The following MUC5AC variants were observed in gnomAD, a reference collection of about 807,000 sequenced individuals.
MUC5AC encodes the protein mucin 5AC, oligomeric mucus/gel-forming.
In MUC5AC, 158 loss-of-function variants were observed where a neutral mutation model predicts 169.7. The ratio of observed to expected loss-of-function variants is 0.93; its 90% CI spans 0.82 to 1.06. The LOEUF is 1.06. Ranked by LOEUF, MUC5AC falls within the 50% of genes least tolerant of loss-of-function variation. The probability of loss-of-function intolerance (pLI) is 0.00; values close to 1 mark genes in which losing one functional copy is unlikely to be tolerated. For missense variants in MUC5AC, 4,359 were observed against 3,089.9 expected (o/e 1.41, Z -9.74); for synonymous variants, 1,975 against 1,237.0 (o/e 1.60, Z -12.52).
rs1301845553 is a variant in MUC5AC, at chr11:1,161,399, A to G, written c.152-128A>G. The G allele has an allele frequency of 4.6e-6, 3 of 655,302 alleles. No homozygotes were observed. In the African/African-American group the frequency reaches 5.6e-5, roughly 12 times the overall value. 40.6% of individuals were successfully genotyped at this position (655,302 alleles called of 1,614,324 possible). A position where few individuals can be genotyped will look rare whatever the true frequency, so the allele number is the denominator to read the frequency against. ...GTGGGTGGGAGGGGGCCCAACACGC[A>G]GCAGAATCCGGAGTTGGCTTCGGAG... On this transcript the variant is annotated intron_variant, in intron 2 of 48. Transcript: ENST00000621226.
At position 1,187,423 on chromosome 11, in the gene MUC5AC, T is replaced by A; in HGVS notation, c.9278T>A (p.Ile3093Asn). The change falls in exon 31 of 49, where the codon ATC becomes AAC. Residue 3093 changes from isoleucine (I) to asparagine (N), a missense_variant. Coordinates refer to ENST00000621226, the MANE Select transcript of MUC5AC (RefSeq NM_001304359.2). ...STTSAATTST[I>N]SAPTTSTTSA... Reference sequence around the variant, plus strand: ...ACCTCTGCCGCTACAACCAGCACAATCTCGGCCCCAACAACCAGCACAACG... The same window carrying A: ...ACCTCTGCCGCTACAACCAGCACAAACTCGGCCCCAACAACCAGCACAACG... 3 of 638,394 alleles carry A rather than the reference T, an allele frequency of 4.7e-6. No individual in the cohort carries two copies. Among genetic ancestry groups the A allele is most frequent in the Non-Finnish European group, 5.6e-6 (2 of 358,326 alleles). 39.5% of individuals were successfully genotyped at this position (638,394 alleles called of 1,614,324 possible). A position where few individuals can be genotyped will look rare whatever the true frequency, so the allele number is the denominator to read the frequency against.
At chr11:1,163,307 C>A (rs1401483894) in intron 6 of MUC5AC, among the ~76,000 whole-genome samples, 2 of 152,238 alleles carry the variant, frequency 1.3e-5, no homozygotes, top group Admixed American at 6.5e-5. Context: ...TGACTGCACG[C>A]CCTCTCCTGA....
chr11:1,192,773 C>T lies in MUC5AC; in HGVS notation c.14381-10C>T, dbSNP rs983537537. 1.3e-6 allele frequency: 1 copy of T among 750,750 alleles called. No individual in the cohort carries two copies. The highest frequency in any genetic ancestry group is 1.7e-5 in the African/African-American group (1 of 58,822). The allele number at this position is 750,750 out of a possible 1,614,324, so 46.5% of individuals were successfully genotyped here. ...TCCACTAAAGGCTGCCATGTCCCTT[C>T]CTCTTACAGGATCCACCATATACCG... On this transcript the variant is annotated splice_polypyrimidine_tract_variant and intron_variant, in intron 31 of 48. Coordinates refer to ENST00000621226, the MANE Select transcript of MUC5AC (RefSeq NM_001304359.2).
Position 1,187,165 on chromosome 11 carries a change from C to T in MUC5AC, c.9020C>T (p.Ala3007Val), listed in dbSNP as rs1860972503. Reference sequence around the variant, plus strand: ...GCCCCTACAACCAGCACAATCTCGGCCCCAACAACCAGCACACCCTCTGCC... The same window carrying T: ...GCCCCTACAACCAGCACAATCTCGGTCCCAACAACCAGCACACCCTCTGCC... ...TSAPTTSTIS[A>V]PTTSTPSAPT... The change falls in exon 31 of 49, where the codon GCC (alanine) becomes GTC (valine). Residue 3007 changes from alanine (A) to valine (V), a missense_variant. By Grantham distance (64) the Ala-to-Val change is moderately conservative. Transcript: ENST00000621226. 7.1e-6 allele frequency: 5 copies of T among 705,490 alleles called. No homozygotes were observed. Among genetic ancestry groups the T allele is most frequent in the Non-Finnish European group, 1.0e-5 (4 of 388,194 alleles). The allele number at this position is 705,490 out of a possible 1,614,324, so 43.7% of individuals were successfully genotyped here.
At chr11:1,200,347 G>T in intron 48 of MUC5AC, 91 bp from the exon 49 acceptor site, 1 of 611,066 alleles carries the variant, frequency 1.6e-6, no homozygotes, top group South Asian at 1.9e-5. Flanking sequence ...CAGGGAACAC[G>T]ATGAGGCCGC....
At chr11:1,168,426 G>C in intron 12 of MUC5AC, 57 bp from the exon 13 acceptor site, 1 of 1,541,780 alleles carries the variant, frequency 6.5e-7, no homozygotes, top group Admixed American at 1.8e-5. Flanking sequence ...CAGCCTCCGC[G>C]GGGCTGAGGT....
Position 1,185,822 on chromosome 11 carries a change from C to A in MUC5AC, c.7677C>A (p.Ala2559=). Residue 2559 remains alanine (A), a synonymous_variant, in exon 31 of 49, where the codon GCC becomes GCA. Transcript: ENST00000621226. ...TSAPISSTTS[A]TTTSTTSGPG... is the part of the protein sequence containing the mutation. ...CCCCTATAAGCAGCACAACCTCTGC[C>A]ACTACAACCAGCACAACCTCTGGTC... 1.3e-6 allele frequency: 1 copy of A among 742,784 alleles called. No homozygotes were observed. The highest frequency in any genetic ancestry group is 2.4e-6 in the Non-Finnish European group (1 of 408,218). 46.0% of individuals were successfully genotyped at this position (742,784 alleles called of 1,614,324 possible). A position where few individuals can be genotyped will look rare whatever the true frequency, so the allele number is the denominator to read the frequency against.
intron 11 of MUC5AC, 85 bp downstream of exon 11, chr11:1,165,845 T>C (rs1860308738): frequency 6.4e-7 from 1 of 1,570,506 alleles, no homozygotes; most frequent in African/African-American, 1.3e-5. Flanking sequence ...TGGCTGCATG[T>C]CACTGCTGCC....
In MUC5AC at chr11:1,192,403, C is replaced by A. The variant is rs777452336; in HGVS notation, c.14258C>A (p.Thr4753Asn). ...AATGCTCTGTATCCTTCCCTGTCTA[C>A]TTCCATGGTATCCGCCTCCGTGGCA... ...PTNALYPSLS[T>N]SMVSASVAST... Residue 4753 changes from threonine to asparagine, a missense_variant, in exon 31 of 49, where the codon ACT becomes AAT. Transcript: ENST00000621226. The A allele has an allele frequency of 1.3e-6, 1 of 765,064 alleles. No individual in the cohort carries two copies. The highest frequency in any genetic ancestry group is 2.4e-5 in the East Asian group (1 of 41,268). 47.4% of individuals were successfully genotyped at this position (765,064 alleles called of 1,614,324 possible). A position where few individuals can be genotyped will look rare whatever the true frequency, so the allele number is the denominator to read the frequency against.
At chr11:1,199,547 G>C in intron 46 of MUC5AC, 57 bp downstream of exon 46, 1 of 699,122 alleles carries the variant, frequency 1.4e-6, no homozygotes, top group South Asian at 1.5e-5. Flanking sequence ...GATGGGTTTG[G>C]GGGGCTGTGA....
At position 1,194,953 on chromosome 11, in the gene MUC5AC, G is replaced by A. The variant is rs1861223485; in HGVS notation, c.15191-59G>A. 4 of 661,124 alleles carry A rather than the reference G, an allele frequency of 6.1e-6. No individual in the cohort carries two copies. In the South Asian group the frequency reaches 6.6e-5, roughly 11 times the overall value. 41.0% of individuals were successfully genotyped at this position (661,124 alleles called of 1,614,324 possible). On this transcript the variant is annotated intron_variant, in intron 35 of 48. Coordinates refer to ENST00000621226, the MANE Select transcript of MUC5AC (RefSeq NM_001304359.2). The stretch of plus-strand genomic sequence containing the variant: ...GACACCAGGGTCCTGTCCCCCAGCT[G>A]GGGGTGGGGCCAGCCGGCTCTGCTG...
In MUC5AC at chr11:1,168,715, G is replaced by A. The variant is rs767553449; in HGVS notation, c.1641G>A (p.Leu547=). ...AQTSLGLQLN[L]QLVPTMQLFM... is the part of the protein sequence containing the mutation. ...CCAGCCTGGGCCTGCAGCTGAACCTGCAGCTGGTGCCCACCATGCAGCTGT... is the reference window on the plus strand; with the variant it reads ...CCAGCCTGGGCCTGCAGCTGAACCTACAGCTGGTGCCCACCATGCAGCTGT... The change falls in exon 14 of 49, where the codon CTG becomes CTA. Residue 547 remains leucine (L), a synonymous_variant. Transcript: ENST00000621226. 3 of 1,610,402 alleles carry A rather than the reference G, an allele frequency of 1.9e-6. No individual in the cohort carries two copies. The highest frequency in any genetic ancestry group is 2.7e-5 in the African/African-American group (2 of 74,912).
At position 1,163,980 on chromosome 11, in the gene MUC5AC, T is replaced by C; in HGVS notation, c.778T>C (p.Ser260Pro). ...TGTCCCTGAACCCCCGAGGAACTGC[T>C]CCACTGGCTTTGTAAGCCTTGGAGG... ...DPVPEPPRNCSTGFGICEELL... is the reference protein window; with the variant it reads ...DPVPEPPRNCPTGFGICEELL... Residue 260 changes from serine (S) to proline (P), a missense_variant, in exon 7 of 49, where the codon TCC becomes CCC. Transcript: ENST00000621226. 1 of 1,610,690 alleles carries C rather than the reference T, an allele frequency of 6.2e-7. No homozygotes were observed. Among genetic ancestry groups the C allele is most frequent in the Non-Finnish European group, 8.5e-7 (1 of 1,179,068 alleles).
chr11:1,196,943 G>T, intron 40 of MUC5AC, 35 bp downstream of exon 40: 1 of 756,706 alleles, frequency 1.3e-6, no homozygotes, highest in Non-Finnish European at 2.4e-6. Flanking sequence ...GGGCACTGGG[G>T]TCCAAGAGCC....
chr11:1,160,608 G>A lies in MUC5AC; in HGVS notation c.74-4G>A, dbSNP rs748885985. 53 of 1,606,082 alleles carry A rather than the reference G, an allele frequency of 3.3e-5. No homozygotes were observed. Among genetic ancestry groups the A allele is most frequent in the Non-Finnish European group, 4.1e-5 (48 of 1,178,778 alleles). On this transcript the variant is annotated splice_region_variant and splice_polypyrimidine_tract_variant and intron_variant, in intron 1 of 48. Coordinates refer to ENST00000621226, the MANE Select transcript of MUC5AC (RefSeq NM_001304359.2). ...TGGGCTCAGCCCCCCTCCTCTTTCTGCAGGCCATGCCCAGGATGGCTCCTC... is the reference window on the plus strand; with the variant it reads ...TGGGCTCAGCCCCCCTCCTCTTTCTACAGGCCATGCCCAGGATGGCTCCTC...
Position 1,190,738 on chromosome 11 carries a change from C to T in MUC5AC, c.12593C>T (p.Thr4198Ile). The T allele has an allele frequency of 1.4e-5, 10 of 702,616 alleles. No homozygotes were observed. The highest frequency in any genetic ancestry group is 1.7e-5 in the African/African-American group (1 of 57,302). 43.5% of individuals were successfully genotyped at this position (702,616 alleles called of 1,614,324 possible). The change falls in exon 31 of 49, where the codon ACA becomes ATA. Residue 4198 changes from threonine to isoleucine, a missense_variant. Physicochemically the swap from Thr to Ile is moderately conservative, Grantham distance 89. Transcript: ENST00000621226. Reference protein sequence around the residue: ...APTTSTISSPTSSTTSTPQTS... With the variant: ...APTTSTISSPISSTTSTPQTS... ...ACAACCAGCACAATCTCTTCCCCTA[C>T]AAGCAGCACAACCTCCACTCCACAG... is the stretch of plus-strand genomic sequence containing the variant.
chr11:1,174,346 G>A (rs1386027120), intron 16 of MUC5AC, 150 bp from the exon 17 acceptor site: 1 of 558,050 alleles, frequency 1.8e-6, no homozygotes, highest in South Asian at 2.3e-5. Flanking sequence ...GAGGGGGCAG[G>A]ATGCCTGTGA....
At position 1,179,081 on chromosome 11, in the gene MUC5AC, G is replaced by A. The variant is rs1315092248; in HGVS notation, c.3328-11G>A. ...GGGGGTCCCTGGAACCTGAAGCCCC[G>A]TCTCCCTCAGGTGGAGCCGGCCAGG... is the stretch of plus-strand genomic sequence containing the variant. On this transcript the variant is annotated splice_polypyrimidine_tract_variant and intron_variant, in intron 25 of 48. Coordinates refer to ENST00000621226, the MANE Select transcript of MUC5AC (RefSeq NM_001304359.2). 16 of 521,314 alleles carry A rather than the reference G, an allele frequency of 3.1e-5. No homozygotes were observed. The highest frequency in any genetic ancestry group is 1.2e-4 in the Admixed American group (4 of 33,408). 32.3% of individuals were successfully genotyped at this position (521,314 alleles called of 1,614,324 possible).
chr11:1,174,284 AC>A (rs1216885396), intron 16 of MUC5AC, among the ~76,000 whole-genome samples: 1 of 152,212 alleles, frequency 6.6e-6, no homozygotes, highest in Non-Finnish European at 1.5e-5. Context: ...TCTCCCAGTA[AC>A]CCCTGCTCTG....
Sources: gnomAD v4.1 joint callset for allele counts (sites outside exome capture counted in the v4.1 genomes callset) on GRCh38, gnomAD v4.1.1 for gene constraint, MANE v1.5 for transcripts, NCBI Gene and HGNC (gene_info 2026-07-23, HGNC 2026-07-21) for gene names.